The following MB variants were observed in gnomAD, a reference collection of about 807,000 sequenced individuals.
The protein encoded by MB is nitrite reductase MB.
In MB, 10 loss-of-function variants were observed where a neutral mutation model predicts 14.5. The observed-to-expected ratio is 0.69, with a 90% CI of 0.43 to 1.17. MB has a LOEUF of 1.17. Ranked by LOEUF, MB falls within the 50% of genes most tolerant of loss-of-function variation. MB has a pLI of 0.00. For missense variants in MB, 169 were observed against 192.7 expected, an observed-to-expected ratio of 0.88 and a Z score of 0.73; for synonymous variants, 89 against 78.6, an observed-to-expected ratio of 1.13 and a Z score of -0.70.
intron 1 of MB, among the ~76,000 whole-genome samples, chr22:35,611,530 G>T (rs1050614011): frequency 6.6e-6 from 1 of 152,150 alleles, no homozygotes; most frequent in African/African-American, 2.4e-5. Flanking sequence ...TTGTCCTTCA[G>T]CTGCTTAAAT....
chr22:35,617,085 C>A, intron 1 of MB, 78 bp downstream of exon 1: 1 of 1,178,552 alleles, frequency 8.5e-7, no homozygotes, highest in Non-Finnish European at 1.3e-6. Flanking sequence ...ACCCCACGTG[C>A]AAACTTTCCA....
intron 1 of MB, among the ~76,000 whole-genome samples, chr22:35,614,135 G>C (rs1319812113): frequency 6.6e-6 from 1 of 152,226 alleles, no homozygotes; most frequent in Admixed American, 6.5e-5. Flanking sequence ...TTTTCCTGCT[G>C]TTCTCTGAAC....
intron 2 of MB, among the ~76,000 whole-genome samples, chr22:35,610,528 G>A (rs750574003): frequency 2.6e-5 from 4 of 152,164 alleles, no homozygotes; most frequent in Non-Finnish European, 4.4e-5. Context: ...TGGACAAGCT[G>A]CTTAACCTCT....
intron 1 of MB, 90 bp from the exon 2 acceptor site, chr22:35,611,196 T>A: frequency 1.1e-6 from 1 of 881,622 alleles, no homozygotes; most frequent in Non-Finnish European, 1.8e-6. Flanking sequence ...TAGCTCCCTG[T>A]CTTCCCAGCT....
In MB at chr22:35,608,968, AG is replaced by A. The variant is rs1313018236; in HGVS notation, c.319-1526del. Among the ~76,000 whole-genome samples the A allele has an allele frequency of 6.6e-6, 1 of 152,174 alleles. No homozygotes were observed. The highest frequency in any genetic ancestry group is 6.5e-5 in the Admixed American group (1 of 15,286). On this transcript the variant is annotated intron_variant, in intron 2 of 2. Transcript: ENST00000397326. This position sits in a 1 kb window ranked among gnomAD's most constrained non-coding sequence, Gnocchi z 4.3. ...GCGAAGGTCCACCGTGAGGGGGAAA[AG>A]CAGACATCTGGGCTCTGTCTCAATT...
At chr22:35,619,500 G>A (rs1265555915), upstream of MB, among the ~76,000 whole-genome samples, 2 of 152,186 alleles carry the variant, frequency 1.3e-5, no homozygotes, top group East Asian at 3.9e-4. Context: ...CAATCTTGCT[G>A]AGGTGCAGGT....
At chr22:35,611,721 C>A (rs1432730619) in intron 1 of MB, among the ~76,000 whole-genome samples, 4 of 152,198 alleles carry the variant, frequency 2.6e-5, no homozygotes, top group African/African-American at 9.6e-5. Flanking sequence ...AGCCCTGAGA[C>A]AGGCACCCAC....
At chr22:35,610,857 T>G (rs756491475) in intron 2 of MB, 27 bp downstream of exon 2, 18 of 1,514,970 alleles carry the variant, frequency 1.2e-5, no homozygotes, top group Non-Finnish European at 1.6e-5. Flanking sequence ...CCCCGCATCC[T>G]CCCACCTGCC....
chr22:35,607,628 G>C (rs1922253524), intron 2 of MB, among the ~76,000 whole-genome samples, 185 bp from the exon 3 acceptor site: 1 of 152,192 alleles, frequency 6.6e-6, no homozygotes, highest in African/African-American at 2.4e-5. Context: ...ACCACTGTGA[G>C]ATAGATACTA....
rs45446591 is a variant in MB at position 35,606,938 on chromosome 22, A to C, written c.*359T>G. 2,119 of 187,086 alleles carry C rather than the reference A, an allele frequency of 0.011. 19 individuals carry two copies. The highest frequency in any genetic ancestry group is 0.016 in the Non-Finnish European group (1,459 of 90,538). 11.6% of individuals were successfully genotyped at this position (187,086 alleles called of 1,614,324 possible). A position where few individuals can be genotyped will look rare whatever the true frequency, so the allele number is the denominator to read the frequency against. On this transcript the variant is annotated 3_prime_UTR_variant, in exon 3 of 3. Coordinates refer to ENST00000397326, the MANE Select transcript of MB (RefSeq NM_005368.3). ...CAAGGGGCCAGTGATTAATCAGACAATTGCTACTGTCAGGTGTAGTTAATG... is the reference window on the plus strand; with the variant it reads ...CAAGGGGCCAGTGATTAATCAGACACTTGCTACTGTCAGGTGTAGTTAATG...
rs929985392 is a variant in MB, at chr22:35,608,480, C to T, written c.319-1037G>A. Among the ~76,000 whole-genome samples the T allele has an allele frequency of 2.6e-5, 4 of 152,120 alleles. No homozygotes were observed. Among genetic ancestry groups the T allele is most frequent in the East Asian group, 1.9e-4 (1 of 5,196 alleles). On this transcript the variant is annotated intron_variant, in intron 2 of 2. Coordinates refer to ENST00000397326, the MANE Select transcript of MB (RefSeq NM_005368.3). This position sits in a 1 kb window ranked among gnomAD's most constrained non-coding sequence, Gnocchi z 4.3. ...GCAAGTGACATAAAGCAGGGATAGT[C>T]GCGGGTGGGACATGCAAAGGGAGGC...
intron 1 of MB, among the ~76,000 whole-genome samples, chr22:35,615,115 G>A (rs1922971618): frequency 6.6e-6 from 1 of 152,160 alleles, no homozygotes; most frequent in Non-Finnish European, 1.5e-5. Context: ...TACAGACTGG[G>A]CTTCATGGAA....
Position 35,607,312 on chromosome 22 carries a change from C to T in MB, c.450G>A (p.Leu150=), listed in dbSNP as rs199650693. The change falls in exon 3 of 3, where the codon CTG becomes CTA. Residue 150 remains leucine, a synonymous_variant. Transcript: ENST00000397326. ...RKDMASNYKE[L]GFQG is the part of the protein sequence containing the mutation. Reference sequence around the variant, plus strand: ...CGGCAGGGGCCTAGCCCTGGAAGCCCAGCTCCTTGTAGTTGGAGGCCATGT... The same window carrying T: ...CGGCAGGGGCCTAGCCCTGGAAGCCTAGCTCCTTGTAGTTGGAGGCCATGT... 2.5e-6 allele frequency: 4 copies of T among 1,613,368 alleles called. No homozygotes were observed. The East Asian group carries it at 8.9e-5, about 36-fold the overall frequency.
chr22:35,611,106 C>G lies in MB; in HGVS notation c.96G>C (p.Arg32Ser), dbSNP rs771836779. 2.5e-6 allele frequency: 4 copies of G among 1,612,748 alleles called. No homozygotes were observed. Among genetic ancestry groups the G allele is most frequent in the Admixed American group, 3.3e-5 (2 of 59,990 alleles). The change falls in exon 2 of 3, where the codon AGG becomes AGC. Residue 32 changes from arginine (R) to serine (S), a missense_variant and splice_region_variant. Coordinates refer to ENST00000397326, the MANE Select transcript of MB (RefSeq NM_005368.3). The stretch of plus-strand genomic sequence containing the variant: ...GAGTCTCTGGGTGACCCTTAAAGAG[C>G]CTGTGGGCACAGGGAAGGCTGGAGT... ...IPGHGQEVLIRLFKGHPETLE... is the reference protein window; with the variant it reads ...IPGHGQEVLISLFKGHPETLE...
Position 35,610,878 on chromosome 22 carries a change from T to TCCTA in MB, c.318+2_318+5dup. On this transcript the variant is annotated splice_donor_region_variant and intron_variant, in intron 2 of 2. Transcript: ENST00000397326. ...ATCCTCCCACCTGCCCAGGCTCTGC[T>TCCTA]CCTACCTCCAGGTACTTCACGGGGA... 1.3e-6 allele frequency: 2 copies of TCCTA among 1,536,448 alleles called. No homozygotes were observed.
At chr22:35,620,300 G>A (rs1211186905), upstream of MB, among the ~76,000 whole-genome samples, 1 of 152,174 alleles carries the variant, frequency 6.6e-6, no homozygotes, top group Non-Finnish European at 1.5e-5. Flanking sequence ...CTGTACTCCA[G>A]CCTGGCAACA....
Position 35,611,164 on chromosome 22 carries a change from C to A in MB, c.96-58G>T, listed in dbSNP as rs964814966. On this transcript the variant is annotated intron_variant, in intron 1 of 2. Coordinates refer to ENST00000397326, the MANE Select transcript of MB (RefSeq NM_005368.3). ...GGAGGTGCGGTGTGAGGTCTGGGGG[C>A]AGCCAGACTAGAGTTCAAGTTTAGC... 7 of 1,263,800 alleles carry A rather than the reference C, an allele frequency of 5.5e-6. No individual in the cohort carries two copies. The Admixed American group carries it at 1.0e-4, about 19-fold the overall frequency. The allele number at this position is 1,263,800 out of a possible 1,614,324, so 78.3% of individuals were successfully genotyped here.
At chr22:35,618,942 A>T (rs549011423), upstream of MB, among the ~76,000 whole-genome samples, 160 of 146,032 alleles carry the variant, frequency 1.1e-3, 1 homozygote, top group East Asian at 1.1e-3. Context: ...CCCTCCATCC[A>T]TCCATCCACC....
intron 1 of MB, among the ~76,000 whole-genome samples, chr22:35,614,035 G>A (rs1012786940): frequency 3.3e-5 from 5 of 152,190 alleles, no homozygotes; most frequent in African/African-American, 7.2e-5. Flanking sequence ...AGAAAGCCCC[G>A]CTGGCCTGTG....
Sources: allele counts gnomAD v4.1 joint callset (sites outside exome capture counted in the v4.1 genomes callset), GRCh38; gene constraint gnomAD v4.1.1; non-coding constraint Gnocchi (gnomAD v3.1); transcripts MANE v1.5; gene names NCBI Gene and HGNC (gene_info 2026-07-23, HGNC 2026-07-21).